Variants in ANKRD45 observed in about 807,000 individuals in gnomAD.
ANKRD45 encodes ankyrin repeat domain 45.
ANKRD45 carries 21 observed loss-of-function variants against 28.1 expected under a neutral mutation model. The ratio of observed to expected loss-of-function variants is 0.75; its 90% CI spans 0.53 to 1.08. The LOEUF is 1.08. Among genes scored for constraint, ANKRD45 ranks in the 50% least tolerant of loss-of-function variants. ANKRD45 has a pLI of 0.00. For missense variants in ANKRD45, 261 were observed against 308.7 expected (o/e 0.85, Z 1.16); for synonymous variants, 86 against 103.9 (o/e 0.83, Z 1.05).
chr1:173,708,799 A>G, the ANKRD45 span, among the ~76,000 whole-genome samples: 1 of 152,350 alleles, frequency 6.6e-6, no homozygotes, highest in East Asian at 1.9e-4. Flanking sequence ...TAAAGGATTT[A>G]GATTCCATCT....
intron 2 of ANKRD45, among the ~76,000 whole-genome samples, chr1:173,647,649 G>T (rs1332140276): frequency 1.3e-5 from 2 of 152,102 alleles, no homozygotes; most frequent in Admixed American, 1.3e-4. Flanking sequence ...GTTTGAACTT[G>T]CTCACAAGGA....
the ANKRD45 span, among the ~76,000 whole-genome samples, chr1:173,677,658 AG>A: frequency 1.3e-5 from 2 of 152,150 alleles, no homozygotes; most frequent in Non-Finnish European, 2.9e-5. Flanking sequence ...TCAGTGTTTA[AG>A]ACTTAGCAGG....
At position 173,637,216 on chromosome 1, in the gene ANKRD45, G is replaced by A. The variant is rs1668487973; in HGVS notation, c.496+9630C>T. 22 of 536,156 alleles carry A rather than the reference G, an allele frequency of 4.1e-5. 1 individual carries two copies. The highest frequency in any genetic ancestry group is 2.5e-4 in the South Asian group (11 of 43,142). 33.2% of individuals were successfully genotyped at this position (536,156 alleles called of 1,614,324 possible). A position where few individuals can be genotyped will look rare whatever the true frequency, so the allele number is the denominator to read the frequency against. On this transcript the variant is annotated intron_variant, in intron 3 of 5. Transcript: ENST00000333279. ...TTCCCATTCAATTAAAAAAGAACCC[G>A]GACTTACTAAAGTACTAGAGAAGAA... is the stretch of plus-strand genomic sequence containing the variant.
At chr1:173,638,329 C>T (rs575558095) in intron 3 of ANKRD45, among the ~76,000 whole-genome samples, 21 of 152,150 alleles carry the variant, frequency 1.4e-4, no homozygotes, top group Non-Finnish European at 2.2e-4. Flanking sequence ...TTGAGCCTTG[C>T]CGGGAAAAGA....
chr1:173,616,442 A>G (rs1571685285), intron 5 of ANKRD45, among the ~76,000 whole-genome samples: 1 of 152,178 alleles, frequency 6.6e-6, no homozygotes, highest in South Asian at 2.1e-4. Flanking sequence ...GCTAATAGCT[A>G]TAGGGTTTCT....
At chr1:173,649,716 T>A (rs1007116570) in intron 2 of ANKRD45, among the ~76,000 whole-genome samples, 7 of 152,200 alleles carry the variant, frequency 4.6e-5, no homozygotes, top group Non-Finnish European at 7.4e-5. Context: ...TTCTGTGATG[T>A]CTCAAGAATA....
At chr1:173,697,189 A>C in the ANKRD45 span, among the ~76,000 whole-genome samples, 4 of 152,254 alleles carry the variant, frequency 2.6e-5, no homozygotes, top group African/African-American at 9.6e-5. Flanking sequence ...TCTACATTTG[A>C]TTGGTGTACC....
chr1:173,688,903 T>C, the ANKRD45 span, among the ~76,000 whole-genome samples: 9 of 151,922 alleles, frequency 5.9e-5, no homozygotes, highest in Non-Finnish European at 1.2e-4. Context: ...CTCCTTCCCC[T>C]TTTACCTCGG....
intron 3 of ANKRD45, among the ~76,000 whole-genome samples, chr1:173,629,016 A>G (rs1172420330): frequency 6.6e-6 from 1 of 152,258 alleles, no homozygotes; most frequent in Non-Finnish European, 1.5e-5. Context: ...ATTTTCCCAC[A>G]TCTTACCCAA....
chr1:173,686,838 G>C, the ANKRD45 span, among the ~76,000 whole-genome samples: 1 of 152,098 alleles, frequency 6.6e-6, no homozygotes, highest in African/African-American at 2.4e-5. Context: ...CTTTATATTA[G>C]TGTGTTATTA....
At chr1:173,680,457 C>T in the ANKRD45 span, among the ~76,000 whole-genome samples, 109 of 152,086 alleles carry the variant, frequency 7.2e-4, no homozygotes, top group Non-Finnish European at 1.1e-3. Context: ...CCAAACACCG[C>T]GTGCTCTCAC....
At chr1:173,647,949 AT>A (rs556705860) in intron 2 of ANKRD45, among the ~76,000 whole-genome samples, 511 of 144,326 alleles carry the variant, frequency 3.5e-3, no homozygotes, top group Middle Eastern at 0.014. Context: ...ATGCCCAGAT[AT>A]TTTTTTTTTT....
At chr1:173,623,719 T>G (rs981182369) in intron 5 of ANKRD45, among the ~76,000 whole-genome samples, 1 of 152,034 alleles carries the variant, frequency 6.6e-6, no homozygotes, top group Non-Finnish European at 1.5e-5. Context: ...CAAATGCCTA[T>G]CAATGATAGA....
At chr1:173,693,239 A>G in the ANKRD45 span, among the ~76,000 whole-genome samples, 1 of 152,108 alleles carries the variant, frequency 6.6e-6, no homozygotes, top group African/African-American at 2.4e-5. Flanking sequence ...GGTTGCAGTG[A>G]GCTGAGATCA....
the ANKRD45 span, among the ~76,000 whole-genome samples, chr1:173,679,642 C>T: frequency 6.6e-6 from 1 of 152,162 alleles, no homozygotes; most frequent in Non-Finnish European, 1.5e-5. Flanking sequence ...TGGACAAAGA[C>T]TTCATGACTA....
At chr1:173,610,977 C>T (rs1013097945) in intron 5 of ANKRD45, among the ~76,000 whole-genome samples, 10 of 152,080 alleles carry the variant, frequency 6.6e-5, no homozygotes, top group Admixed American at 1.3e-4. Flanking sequence ...CTCTCCCACC[C>T]CAAAGCCTTT....
chr1:173,662,311 G>A (rs983908175), intron 1 of ANKRD45, among the ~76,000 whole-genome samples: 10 of 152,100 alleles, frequency 6.6e-5, no homozygotes, highest in African/African-American at 1.4e-4. Context: ...GATAATAGTC[G>A]AAAGATCATT....
At chr1:173,695,480 T>C in the ANKRD45 span, among the ~76,000 whole-genome samples, 17 of 152,298 alleles carry the variant, frequency 1.1e-4, no homozygotes, top group Admixed American at 7.2e-4. Flanking sequence ...CTGTGTTAAT[T>C]CACTTAGGAT....
chr1:173,653,922 C>CTTTTTTT (rs1185149394), intron 2 of ANKRD45, among the ~76,000 whole-genome samples: 6 of 100,326 alleles, frequency 6.0e-5, no homozygotes, highest in African/African-American at 1.6e-4. Flanking sequence ...GCAACCCTTG[C>CTTTTTTT]TTTTTTTTTT....
Sources: gnomAD v4.1 joint callset for allele counts (sites outside exome capture counted in the v4.1 genomes callset) on GRCh38, gnomAD v4.1.1 for gene constraint, MANE v1.5 for transcripts, NCBI Gene and HGNC (gene_info 2026-07-23, HGNC 2026-07-21) for gene names.